The following CPSF1 variants were observed in gnomAD, a reference collection of about 807,000 sequenced individuals.
The protein encoded by CPSF1 is cleavage and polyadenylation specificity factor subunit 1.
CPSF1 carries 106 observed loss-of-function variants against 175.8 expected under a neutral mutation model. That is an observed-to-expected ratio of 0.60 (90% CI 0.52 to 0.71). CPSF1 has a LOEUF of 0.71. Ranked by LOEUF, CPSF1 falls within the 30% of genes least tolerant of loss-of-function variation. CPSF1 has a pLI of 0.00. For missense variants in CPSF1, 1,734 were observed against 2,022.9 expected, an observed-to-expected ratio of 0.86 and a Z score of 2.74; for synonymous variants, 1,024 against 858.3, an observed-to-expected ratio of 1.19 and a Z score of -3.37.
rs190076145 is a variant in CPSF1, at chr8:144,406,259, G to C, written c.144+2756C>G. Among the ~76,000 whole-genome samples the C allele has an allele frequency of 6.6e-5, 10 of 152,324 alleles. No homozygotes were observed. The East Asian group carries it at 1.9e-3, about 29-fold the overall frequency. On this transcript the variant is annotated intron_variant, in intron 2 of 37. Coordinates refer to ENST00000616140, the MANE Select transcript of CPSF1 (RefSeq NM_013291.3). ...GCACATCTCCTCCAGAGTTGTCTGTGTTCACTGTTACTGACTCTCCTCCCC... is the reference window on the plus strand; with the variant it reads ...GCACATCTCCTCCAGAGTTGTCTGTCTTCACTGTTACTGACTCTCCTCCCC...
chr8:144,395,739 A>T (rs1201823765), intron 26 of CPSF1, 188 bp from the exon 27 acceptor site: 1 of 606,408 alleles, frequency 1.6e-6, no homozygotes, highest in East Asian at 2.7e-5. Flanking sequence ...CCTCCTGTCC[A>T]TTTTCCCACG....
At chr8:144,400,861 A>G (rs1201889219) in intron 6 of CPSF1, 44 bp from the exon 7 acceptor site, 2 of 1,607,998 alleles carry the variant, frequency 1.2e-6, no homozygotes, top group African/African-American at 1.3e-5. Flanking sequence ...GGAGGCGGGG[A>G]GGGGAGCTCG....
chr8:144,395,060 G>T (rs781888232), intron 29 of CPSF1, 37 bp from the exon 30 acceptor site: 8 of 1,603,822 alleles, frequency 5.0e-6, no homozygotes, highest in South Asian at 1.1e-5. Context: ...CTGCCTGGAG[G>T]CCTTGGGCAG....
rs1554863689 is a variant in CPSF1, at chr8:144,396,364, A to G, written c.2963T>C (p.Leu988Pro). 1 of 1,587,010 alleles carries G rather than the reference A, an allele frequency of 6.3e-7. No homozygotes were observed. The highest frequency in any genetic ancestry group is 8.5e-7 in the Non-Finnish European group (1 of 1,169,780). Residue 988 changes from leucine to proline, a missense_variant, in exon 26 of 38, where the codon CTG (leucine) becomes CCG (proline). Leu to Pro is a moderately conservative substitution (Grantham distance 98). Coordinates refer to ENST00000616140, the MANE Select transcript of CPSF1 (RefSeq NM_013291.3). ...GGGCCCCACCTGTCTGTTGAAGTACAGGAAGCCGCGGGGACAGTTGACATT... is the reference window on the plus strand; with the variant it reads ...GGGCCCCACCTGTCTGTTGAAGTACGGGAAGCCGCGGGGACAGTTGACATT... ...FHNVNCPRGFLYFNRQGELRI... is the reference protein window; with the variant it reads ...FHNVNCPRGFPYFNRQGELRI...
intron 31 of CPSF1, 40 bp from the exon 32 acceptor site, chr8:144,394,595 G>T: frequency 6.2e-7 from 1 of 1,602,692 alleles, no homozygotes; most frequent in Non-Finnish European, 8.5e-7. Context: ...CGGACGGGGA[G>T]CCGGGTGAGG....
At chr8:144,403,502 G>C (rs1821333310) in intron 2 of CPSF1, among the ~76,000 whole-genome samples, 1 of 152,108 alleles carries the variant, frequency 6.6e-6, no homozygotes, top group African/African-American at 2.4e-5. Flanking sequence ...TCCCACCTCA[G>C]CCTCCTGAGT....
rs2116913329 is a variant in CPSF1 at position 144,409,121 on chromosome 8, C to G, written c.38G>C (p.Gly13Ala). The change falls in exon 2 of 38, where the codon GGT (glycine) becomes GCT (alanine). Residue 13 changes from glycine to alanine, a missense_variant. By Grantham distance (60) the Gly-to-Ala change is moderately conservative (BLOSUM62 0). This residue lies in a region of CPSF1 where 126 missense variants were observed against 117.9 expected (regional missense o/e 1.07). Transcript: ENST00000616140. ...AVYKQAHPPT[G>A]LEFSMYCNFF... The stretch of plus-strand genomic sequence containing the variant: ...GTTGCAGTACATGGAGAACTCCAGA[C>G]CGGTGGGCGGATGCGCCTGTTTGTA... 14 of 1,613,124 alleles carry G rather than the reference C, an allele frequency of 8.7e-6. No homozygotes were observed. Among genetic ancestry groups the G allele is most frequent in the South Asian group, 6.6e-5 (6 of 91,032 alleles).
rs142849139 is a variant in CPSF1, at chr8:144,400,197, G to A, written c.906C>T (p.Ser302=). 2.8e-4 allele frequency: 450 copies of A among 1,582,930 alleles called. No homozygotes were observed. In the African/African-American group the frequency reaches 5.4e-3, roughly 19 times the overall value. Residue 302 remains serine, a synonymous_variant, in exon 9 of 38, where the codon AGC becomes AGT. Coordinates refer to ENST00000616140, the MANE Select transcript of CPSF1 (RefSeq NM_013291.3). ...GGAAAGCCGTGGTTCCTGTGGTGAG[G>A]CTGTTGAGAGCCACGCCATACGGGG... is the stretch of plus-strand genomic sequence containing the variant. The part of the protein sequence containing the change: ...SVPPYGVALN[S]LTTGTTAFPL...
chr8:144,398,520 C>T lies in CPSF1; in HGVS notation c.1752+5G>A, dbSNP rs2116851808. ...AGGTCCCAGGTCCCAGGCCCTGCCC[C>T]TCACCATGGTGGAGTCTTCCCGGCT... On this transcript the variant is annotated splice_donor_5th_base_variant and intron_variant, in intron 18 of 37. Transcript: ENST00000616140. 3.1e-6 allele frequency: 5 copies of T among 1,613,806 alleles called. No individual in the cohort carries two copies. The highest frequency in any genetic ancestry group is 1.1e-5 in the South Asian group (1 of 91,080).
chr8:144,406,180 A>C (rs1821490283), intron 2 of CPSF1, among the ~76,000 whole-genome samples: 1 of 152,186 alleles, frequency 6.6e-6, no homozygotes, highest in African/African-American at 2.4e-5. Flanking sequence ...ACAAAACAGA[A>C]GAAGAAAACC....
Position 144,395,686 on chromosome 8 carries a change from C to T in CPSF1, c.2980-135G>A, listed in dbSNP as rs1820681542. On this transcript the variant is annotated intron_variant, in intron 26 of 37. Transcript: ENST00000616140. The stretch of plus-strand genomic sequence containing the variant: ...GGGGTGGGTGAGGGGCAGCTGTGTC[C>T]TGGCGAGGTCCTGGAAGGGGCTGCC... 3 of 710,758 alleles carry T rather than the reference C, an allele frequency of 4.2e-6. No individual in the cohort carries two copies. The South Asian group carries it at 5.4e-5, about 13-fold the overall frequency. 44.0% of individuals were successfully genotyped at this position (710,758 alleles called of 1,614,324 possible). A position where few individuals can be genotyped will look rare whatever the true frequency, so the allele number is the denominator to read the frequency against.
At chr8:144,400,583 A>G (rs2116876408) in intron 7 of CPSF1, 88 bp downstream of exon 7, 2 of 1,603,944 alleles carry the variant, frequency 1.2e-6, no homozygotes, top group Admixed American at 1.7e-5. Context: ...CACACCCCAT[A>G]GGCCCCGCCC....
Position 144,395,581 on chromosome 8 carries a change from C to T in CPSF1, c.2980-30G>A, listed in dbSNP as rs560755430. 5.9e-5 allele frequency: 87 copies of T among 1,473,712 alleles called. No individual in the cohort carries two copies. The Middle Eastern group carries it at 7.0e-4, about 12-fold the overall frequency. The allele number at this position is 1,473,712 out of a possible 1,614,324, so 91.3% of individuals were successfully genotyped here. A position where few individuals can be genotyped will look rare whatever the true frequency, so the allele number is the denominator to read the frequency against. The stretch of plus-strand genomic sequence containing the variant: ...GGTGGGGGCACAGGGGTCAGGGGAT[C>T]CAGGGCTAGCCAAGGGCAGGGGCAG... On this transcript the variant is annotated intron_variant, in intron 26 of 37. Coordinates refer to ENST00000616140, the MANE Select transcript of CPSF1 (RefSeq NM_013291.3).
Position 144,394,734 on chromosome 8 carries a change from C to T in CPSF1, c.3477G>A (p.Lys1159=), listed in dbSNP as rs781852352. The T allele has an allele frequency of 3.7e-6, 6 of 1,613,484 alleles. No homozygotes were observed. In the African/African-American group the frequency reaches 6.7e-5, roughly 18 times the overall value. The part of the protein sequence containing the change: ...PEPGQPLTKN[K]FKVLYEKEQK... ...GCTCCTTCTCGTAAAGGACTTTGAA[C>T]TTGTTCTTGGTCAAGGGCTGGCCAG... is the stretch of plus-strand genomic sequence containing the variant. The change falls in exon 31 of 38, where the codon AAG becomes AAA. Residue 1159 remains lysine, a synonymous_variant. Transcript: ENST00000616140.
At chr8:144,408,102 C>T (rs1821592332) in intron 2 of CPSF1, among the ~76,000 whole-genome samples, 1 of 152,158 alleles carries the variant, frequency 6.6e-6, no homozygotes, top group South Asian at 2.1e-4. Context: ...GAGCTTCTGA[C>T]CCATCTGCCT....
chr8:144,393,785 C>A lies in CPSF1; in HGVS notation c.4027G>T (p.Gly1343Cys). 1.3e-6 allele frequency: 2 copies of A among 1,598,382 alleles called. No homozygotes were observed. Among genetic ancestry groups the A allele is most frequent in the Admixed American group, 1.7e-5 (1 of 59,200 alleles). The change falls in exon 36 of 38, where the codon GGC becomes TGC. Residue 1343 changes from glycine (G) to cysteine (C), a missense_variant. By Grantham distance (159) the Gly-to-Cys change is radical (BLOSUM62 -3). Coordinates refer to ENST00000616140, the MANE Select transcript of CPSF1 (RefSeq NM_013291.3). ...ATGGGCAGCAGCAGCCCGATGCCGC[C>A]GTCCAGGGTGGCTGGCAGGGGTAGG... Reference protein sequence around the residue: ...KHITWFATLDGGIGLLLPMQE... With the variant: ...KHITWFATLDCGIGLLLPMQE...
chr8:144,394,070 G>A, intron 34 of CPSF1, 32 bp from the exon 35 acceptor site: 1 of 1,611,124 alleles, frequency 6.2e-7, no homozygotes, highest in Non-Finnish European at 8.5e-7. Context: ...GTCACTGCTA[G>A]CCCAGCCCCG....
intron 25 of CPSF1, 29 bp downstream of exon 25, chr8:144,396,569 C>A: frequency 6.2e-7 from 1 of 1,609,554 alleles, no homozygotes; most frequent in East Asian, 2.2e-5. Flanking sequence ...TCCCTTCTAC[C>A]ACAGACCCCT....
At position 144,394,002 on chromosome 8, in the gene CPSF1, C is replaced by T. The variant is rs782203918; in HGVS notation, c.3896G>A (p.Arg1299Gln). 1.2e-6 allele frequency: 2 copies of T among 1,613,048 alleles called. No homozygotes were observed. Among genetic ancestry groups the T allele is most frequent in the Non-Finnish European group, 1.7e-6 (2 of 1,179,524 alleles). ...ESFGGMRLLRRADFHVGAHVN... is the reference protein window; with the variant it reads ...ESFGGMRLLRQADFHVGAHVN... ...GTGGGCACCCACGTGGAAGTCTGCC[C>T]GACGCAGCAGGCGCATGCCCCCGAA... The change falls in exon 35 of 38, where the codon CGG (arginine) becomes CAG (glutamine). Residue 1299 changes from arginine (R) to glutamine (Q), a missense_variant. By Grantham distance (43) the Arg-to-Gln change is conservative. Transcript: ENST00000616140.
Sources: gnomAD v4.1 joint callset for allele counts (sites outside exome capture counted in the v4.1 genomes callset) on GRCh38, gnomAD v4.1.1 for gene constraint, gnomAD v4.1.1 regional missense constraint, MANE v1.5 for transcripts, NCBI Gene and HGNC (gene_info 2026-07-23, HGNC 2026-07-21) for gene names.